CADPS2: variants seen among roughly 807,000 people sequenced by gnomAD.
The protein encoded by CADPS2 is calcium dependent secretion activator 2, also known as calcium-dependent secretion activator 2.
Under a neutral mutation model 172.5 loss-of-function variants are expected in CADPS2, and 93 were observed. The ratio of observed to expected loss-of-function variants is 0.54; its 90% CI spans 0.46 to 0.64. CADPS2 has a LOEUF of 0.64. CADPS2 is among the 30% of genes least tolerant of loss of function. The pLI is 0.00. For missense variants in CADPS2, 1,420 were observed against 1,565.9 expected, an observed-to-expected ratio of 0.91 and a Z score of 1.57; for synonymous variants, 546 against 555.2, an observed-to-expected ratio of 0.98 and a Z score of 0.23.
chr7:122,863,286 A>G (rs1395813222), intron 1 of CADPS2, among the ~76,000 whole-genome samples: 2 of 152,206 alleles, frequency 1.3e-5, no homozygotes, highest in African/African-American at 4.8e-5. Flanking sequence ...TTTATATTTT[A>G]TAAGTAAATA....
intron 1 of CADPS2, among the ~76,000 whole-genome samples, chr7:122,862,912 A>G (rs1402705114): frequency 6.6e-6 from 1 of 152,224 alleles, no homozygotes; most frequent in Non-Finnish European, 1.5e-5. Flanking sequence ...GATAAAGTAG[A>G]TGTGTACACC....
At chr7:122,422,612 C>A (rs2151821599) in intron 17 of CADPS2, among the ~76,000 whole-genome samples, 1 of 152,250 alleles carries the variant, frequency 6.6e-6, no homozygotes, top group East Asian at 1.9e-4. Flanking sequence ...AGAAAATACT[C>A]TATCTTAGGT....
At chr7:122,742,404 A>G (rs1327290630) in intron 1 of CADPS2, among the ~76,000 whole-genome samples, 3 of 152,062 alleles carry the variant, frequency 2.0e-5, no homozygotes, top group Non-Finnish European at 2.9e-5. Flanking sequence ...AAAAAAAATT[A>G]ATTAAAATAT....
At chr7:122,389,424 C>G (rs897409413) in intron 22 of CADPS2, among the ~76,000 whole-genome samples, 1 of 151,794 alleles carries the variant, frequency 6.6e-6, no homozygotes, top group Non-Finnish European at 1.5e-5. Flanking sequence ...ACTGTGGAGC[C>G]AAGATTTGCT....
chr7:122,868,331 T>C (rs1818820856), intron 1 of CADPS2, among the ~76,000 whole-genome samples: 1 of 152,150 alleles, frequency 6.6e-6, no homozygotes, highest in Non-Finnish European at 1.5e-5. Flanking sequence ...AGATTCTTCC[T>C]CAGACTCTCA....
chr7:122,765,875 G>A (rs1386835916), intron 1 of CADPS2, among the ~76,000 whole-genome samples: 1 of 152,034 alleles, frequency 6.6e-6, no homozygotes, highest in African/African-American at 2.4e-5. Context: ...ATAAAATCCA[G>A]GTTGGATTTC....
intron 7 of CADPS2, among the ~76,000 whole-genome samples, chr7:122,571,557 G>A (rs191798768): frequency 1.1e-4 from 17 of 152,144 alleles, no homozygotes; most frequent in Middle Eastern, 3.4e-3. Flanking sequence ...CAGACACACC[G>A]AGCAACAACT....
chr7:122,782,816 A>G (rs1793088305), intron 1 of CADPS2, among the ~76,000 whole-genome samples: 1 of 152,192 alleles, frequency 6.6e-6, no homozygotes, highest in African/African-American at 2.4e-5. Context: ...GTTGTTTGGT[A>G]CATCCATATT....
chr7:122,390,853 C>G (rs544988116), intron 22 of CADPS2, among the ~76,000 whole-genome samples: 3 of 151,620 alleles, frequency 2.0e-5, no homozygotes, highest in Non-Finnish European at 4.4e-5. Context: ...TTAAAGAATT[C>G]GAATGTGAGT....
intron 2 of CADPS2, among the ~76,000 whole-genome samples, chr7:122,719,826 AT>A (rs1037717255): frequency 1.1e-4 from 16 of 152,154 alleles, no homozygotes; most frequent in African/African-American, 1.4e-4. Flanking sequence ...AAAGGAAAAA[AT>A]ATCATCATTT....
intron 25 of CADPS2, among the ~76,000 whole-genome samples, chr7:122,362,019 A>T (rs766382650): frequency 6.6e-6 from 1 of 152,124 alleles, no homozygotes; most frequent in Non-Finnish European, 1.5e-5. Flanking sequence ...GTGAGCTGAG[A>T]TCATGCCATT....
intron 6 of CADPS2, among the ~76,000 whole-genome samples, chr7:122,605,765 TA>T (rs2073439310): frequency 6.6e-6 from 1 of 152,158 alleles, no homozygotes; most frequent in African/African-American, 2.4e-5. Flanking sequence ...TGTGCATTTA[TA>T]ATACATATAA....
intron 20 of CADPS2, among the ~76,000 whole-genome samples, chr7:122,395,153 A>G (rs1173111036): frequency 2.0e-5 from 3 of 152,226 alleles, no homozygotes; most frequent in Admixed American, 6.5e-5. Flanking sequence ...GTCAAAGTAC[A>G]TGATGTTTAT....
At chr7:122,471,734 T>A (rs1310154599) in intron 13 of CADPS2, among the ~76,000 whole-genome samples, 172 bp from the exon 14 acceptor site, 1 of 152,154 alleles carries the variant, frequency 6.6e-6, no homozygotes, top group African/African-American at 2.4e-5. Flanking sequence ...TTGAAACTGA[T>A]TTGGGACACT....
At chr7:122,736,213 G>A (rs1373382926) in intron 2 of CADPS2, among the ~76,000 whole-genome samples, 1 of 152,092 alleles carries the variant, frequency 6.6e-6, no homozygotes, top group Non-Finnish European at 1.5e-5. Flanking sequence ...CTTGCCTCAG[G>A]TAAGTTCAGA....
intron 1 of CADPS2, among the ~76,000 whole-genome samples, chr7:122,855,272 A>G (rs1814865688): frequency 6.6e-6 from 1 of 152,220 alleles, no homozygotes; most frequent in African/African-American, 2.4e-5. Context: ...GAAGAAAGGA[A>G]GGGAGCAGCC....
At chr7:122,835,968 A>G (rs1385290477) in intron 1 of CADPS2, among the ~76,000 whole-genome samples, 1 of 152,160 alleles carries the variant, frequency 6.6e-6, no homozygotes. Flanking sequence ...ACTCCAAGAC[A>G]CATAATTGTC....
At chr7:122,425,156 C>A (rs1256491742) in intron 17 of CADPS2, among the ~76,000 whole-genome samples, 1 of 151,830 alleles carries the variant, frequency 6.6e-6, no homozygotes, top group African/African-American at 2.4e-5. Flanking sequence ...AATTAAGTTT[C>A]TTTTTATACA....
At chr7:122,474,300 C>G in intron 13 of CADPS2, 81 bp downstream of exon 13, 1 of 1,427,994 alleles carries the variant, frequency 7.0e-7, no homozygotes, top group Non-Finnish European at 9.6e-7. Flanking sequence ...TTCTCACTTT[C>G]TAAAATCTTT....
Sources: allele counts gnomAD v4.1 joint callset (sites outside exome capture counted in the v4.1 genomes callset), GRCh38; gene constraint gnomAD v4.1.1; transcripts MANE v1.5; gene names NCBI Gene and HGNC (gene_info 2026-07-23, HGNC 2026-07-21).